The following ZDHHC23 variants were observed in gnomAD, a reference collection of about 807,000 sequenced individuals.
ZDHHC23 encodes the protein zDHHC palmitoyltransferase 23, also known as palmitoyltransferase ZDHHC23.
In ZDHHC23, 41 loss-of-function variants were observed where a neutral mutation model predicts 40.2. The observed-to-expected ratio is 1.02, with a 90% CI of 0.79 to 1.32. The LOEUF is 1.32. Among genes scored for constraint, ZDHHC23 ranks in the 40% most tolerant of loss-of-function variants. The pLI is 0.00. For missense variants in ZDHHC23, 471 were observed against 541.5 expected (o/e 0.87, Z 1.29); for synonymous variants, 204 against 210.2 (o/e 0.97, Z 0.26).
At chr3:113,964,397 A>G (rs1452354110), downstream of ZDHHC23, 1 of 152,224 alleles carries the variant, frequency 6.6e-6, no homozygotes, top group East Asian at 1.9e-4. Flanking sequence ...CTTTGAATTC[A>G]AGATAGGTAT....
chr3:113,972,828 TTA>T, the ZDHHC23 span, among the ~76,000 whole-genome samples: 1 of 152,182 alleles, frequency 6.6e-6, no homozygotes, highest in African/African-American at 2.4e-5. Context: ...TTATTTCTCT[TTA>T]TAGTCTTTGA....
rs1939520248 is a variant in ZDHHC23 at position 113,959,335 on chromosome 3, A to C, written c.*705A>C. ...GAAGATGACCAGATGGATTGATGCT[A>C]AGTTGTCTCATCTTGAAAAGACAGT... On this transcript the variant is annotated 3_prime_UTR_variant, in exon 5 of 5. Transcript: ENST00000638807. 1 of 1,109,956 alleles carries C rather than the reference A, an allele frequency of 9.0e-7. No individual in the cohort carries two copies. The highest frequency in any genetic ancestry group is 6.0e-5 in the East Asian group (1 of 16,708). The allele number at this position is 1,109,956 out of a possible 1,614,324, so 68.8% of individuals were successfully genotyped here.
intron 4 of ZDHHC23, among the ~76,000 whole-genome samples, chr3:113,957,154 C>G (rs867257492): frequency 5.9e-5 from 9 of 152,360 alleles, no homozygotes; most frequent in African/African-American, 2.2e-4. Context: ...TCAGCGCCCC[C>G]TCCCTGAATG....
At position 113,960,446 on chromosome 3, in the gene ZDHHC23, A is replaced by G; in HGVS notation, c.*1816A>G. ...AAATTTCTTTCTATACAGGTTTTAC[A>G]TAAGAGAGACAGTAATAATGTCAAG... is the stretch of plus-strand genomic sequence containing the variant. On this transcript the variant is annotated 3_prime_UTR_variant, in exon 5 of 5. Transcript: ENST00000638807. 3 of 1,354,500 alleles carry G rather than the reference A, an allele frequency of 2.2e-6. No individual in the cohort carries two copies. Among genetic ancestry groups the G allele is most frequent in the Non-Finnish European group, 1.9e-6 (2 of 1,059,522 alleles). The allele number at this position is 1,354,500 out of a possible 1,614,324, so 83.9% of individuals were successfully genotyped here.
In ZDHHC23 at chr3:113,958,828, G is replaced by A. The variant is rs1577272425; in HGVS notation, c.*198G>A. The A allele has an allele frequency of 7.1e-7, 1 of 1,416,688 alleles. No homozygotes were observed. Among genetic ancestry groups the A allele is most frequent in the East Asian group, 3.3e-5 (1 of 30,070 alleles). The allele number at this position is 1,416,688 out of a possible 1,614,324, so 87.8% of individuals were successfully genotyped here. A position where few individuals can be genotyped will look rare whatever the true frequency, so the allele number is the denominator to read the frequency against. The stretch of plus-strand genomic sequence containing the variant: ...AGACTTTTATACTGAGGCAGTAAAA[G>A]TAGAGCCATTCCTTTCCAGTCACCT... On this transcript the variant is annotated 3_prime_UTR_variant, in exon 5 of 5. Transcript: ENST00000638807.
At chr3:113,976,915 T>TTAAAC in the ZDHHC23 span, among the ~76,000 whole-genome samples, 776 of 152,340 alleles carry the variant, frequency 5.1e-3, 7 homozygotes, top group African/African-American at 0.018. Flanking sequence ...TTGTTTTAAT[T>TTAAAC]TAAACAAAAC....
chr3:113,952,837 G>C (rs532934923), intron 2 of ZDHHC23, among the ~76,000 whole-genome samples: 1 of 152,120 alleles, frequency 6.6e-6, no homozygotes, highest in Non-Finnish European at 1.5e-5. Flanking sequence ...GAGCAAACAG[G>C]CTCCCTTGGA....
rs1209422575 is a variant in ZDHHC23, at chr3:113,962,665, T to G, written c.*4035T>G. On this transcript the variant is annotated 3_prime_UTR_variant, in exon 5 of 5. Coordinates refer to ENST00000638807, the MANE Select transcript of ZDHHC23 (RefSeq NM_001320466.2). ...GGATGGTTTGAGTTGTTAGGGATTT[T>G]GAGTTTTTCATTTTATTGCATATCT... 1 of 152,198 alleles carries G rather than the reference T, an allele frequency of 6.6e-6. No individual in the cohort carries two copies. Among genetic ancestry groups the G allele is most frequent in the Non-Finnish European group, 1.5e-5 (1 of 68,024 alleles). 9.4% of individuals were successfully genotyped at this position (152,198 alleles called of 1,614,324 possible).
chr3:113,953,782 C>G lies in ZDHHC23; in HGVS notation c.244C>G (p.Leu82Val), dbSNP rs1938909178. The G allele has an allele frequency of 6.2e-7, 1 of 1,614,208 alleles. No homozygotes were observed. The highest frequency in any genetic ancestry group is 2.2e-5 in the East Asian group (1 of 44,886). The change falls in exon 3 of 5, where the codon CTT becomes GTT. Residue 82 changes from leucine to valine, a missense_variant. Leu to Val is a conservative substitution (Grantham distance 32). This residue lies in a region of ZDHHC23 where 42 missense variants were observed against 73.9 expected (regional missense o/e 0.57). Coordinates refer to ENST00000638807, the MANE Select transcript of ZDHHC23 (RefSeq NM_001320466.2). The stretch of plus-strand genomic sequence containing the variant: ...TTCTGATCGCCTCCGAATTCCTTGG[C>G]TTAGGGGAGCCAAAAAAGTGAACAT... ...TISDRLRIPW[L>V]RGAKKVNISI...
rs373784741 is a variant in ZDHHC23, at chr3:113,954,295, C to G, written c.757C>G (p.Pro253Ala). The G allele has an allele frequency of 6.2e-6, 10 of 1,613,936 alleles. No individual in the cohort carries two copies. The African/African-American group carries it at 1.2e-4, about 19-fold the overall frequency. ...KGSSKMPAGS[P>A]TKAKEDWCAK... The stretch of plus-strand genomic sequence containing the variant: ...CTCTTCCAAGATGCCAGCTGGAAGC[C>G]CCACCAAAGCGAAGGAGGACTGGTG... Residue 253 changes from proline (P) to alanine (A), a missense_variant, in exon 3 of 5, where the codon CCC becomes GCC. By Grantham distance (27) the Pro-to-Ala change is conservative. Around this residue, in one of 3 missense-constraint regions of ZDHHC23, gnomAD observed 346 missense variants for 399.8 expected, o/e 0.87. Transcript: ENST00000638807.
In ZDHHC23 at chr3:113,950,029, G is replaced by A. The variant is rs554785279; in HGVS notation, c.161+1066G>A. On this transcript the variant is annotated intron_variant, in intron 2 of 4. Transcript: ENST00000638807. ...TCCATAACCACCATCACTCAAGACC[G>A]CAGCTCTTCCATTAACCTTGCTAAC... Among the ~76,000 whole-genome samples, 9 of 152,192 alleles carry A rather than the reference G, an allele frequency of 5.9e-5. No individual in the cohort carries two copies. The South Asian group carries it at 6.2e-4, about 11-fold the overall frequency.
Position 113,961,568 on chromosome 3 carries a change from T to C in ZDHHC23, c.*2938T>C, listed in dbSNP as rs554802639. 1 of 152,792 alleles carries C rather than the reference T, an allele frequency of 6.5e-6. No homozygotes were observed. The highest frequency in any genetic ancestry group is 2.1e-4 in the South Asian group (1 of 4,822). The allele number at this position is 152,792 out of a possible 1,614,324, so 9.5% of individuals were successfully genotyped here. ...CTAAAGTAAAGCCTTAAGTGTGTTT[T>C]TGGGACAACGTGCTGCTTATTCCAC... is the stretch of plus-strand genomic sequence containing the variant. On this transcript the variant is annotated 3_prime_UTR_variant, in exon 5 of 5. Coordinates refer to ENST00000638807, the MANE Select transcript of ZDHHC23 (RefSeq NM_001320466.2).
rs1291478395 is a variant in ZDHHC23 at position 113,948,162 on chromosome 3, C to T, written c.-146C>T. On this transcript the variant is annotated 5_prime_UTR_variant, in exon 1 of 5. Coordinates refer to ENST00000638807, the MANE Select transcript of ZDHHC23 (RefSeq NM_001320466.2). ...ACCCATCTCCCCTCCGCCTCTTTGG[C>T]TGCAGTTGCACCTCCGGCCAGAGGG... The T allele has an allele frequency of 6.6e-6, 1 of 152,304 alleles. No homozygotes were observed. Among genetic ancestry groups the T allele is most frequent in the Non-Finnish European group, 1.5e-5 (1 of 68,150 alleles). 9.4% of individuals were successfully genotyped at this position (152,304 alleles called of 1,614,324 possible).
chr3:113,952,108 G>C (rs1266207456), intron 2 of ZDHHC23, among the ~76,000 whole-genome samples: 2 of 151,968 alleles, frequency 1.3e-5, no homozygotes, highest in Non-Finnish European at 2.9e-5. Flanking sequence ...TTGCACTCCA[G>C]CCTGGGCAAC....
chr3:113,970,587 C>CT, the ZDHHC23 span, among the ~76,000 whole-genome samples: 1 of 152,196 alleles, frequency 6.6e-6, no homozygotes, highest in South Asian at 2.1e-4. Context: ...TTTTATTATA[C>CT]TTTAAGTTTT....
At chr3:113,955,154 G>T (rs1434206081) in intron 3 of ZDHHC23, among the ~76,000 whole-genome samples, 1 of 152,122 alleles carries the variant, frequency 6.6e-6, no homozygotes, top group Non-Finnish European at 1.5e-5. Flanking sequence ...AATGCTTTTC[G>T]TGTCTAGGAT....
At position 113,962,038 on chromosome 3, in the gene ZDHHC23, C is replaced by T. The variant is rs550542186; in HGVS notation, c.*3408C>T. The T allele has an allele frequency of 1.8e-4, 28 of 152,668 alleles. No individual in the cohort carries two copies. The highest frequency in any genetic ancestry group is 3.4e-3 in the Middle Eastern group (1 of 294). The allele number at this position is 152,668 out of a possible 1,614,324, so 9.5% of individuals were successfully genotyped here. The stretch of plus-strand genomic sequence containing the variant: ...ACTTAATTGTAGCCATATTCTGGTA[C>T]CTTCCATTTTGAAAAGTAGAGGTTG... On this transcript the variant is annotated 3_prime_UTR_variant, in exon 5 of 5. Transcript: ENST00000638807.
intron 4 of ZDHHC23, chr3:113,957,943 A>C: frequency 2.4e-6 from 1 of 413,446 alleles, no homozygotes; most frequent in Non-Finnish European, 4.7e-6. Flanking sequence ...TAACTTTAGC[A>C]CTGTTCCTCG....
Position 113,958,529 on chromosome 3 carries a change from G to C in ZDHHC23, c.1207G>C (p.Val403Leu), listed in dbSNP as rs148490794. The change falls in exon 5 of 5, where the codon GTG becomes CTG. Residue 403 changes from valine (V) to leucine (L), a missense_variant. Around this residue, in one of 3 missense-constraint regions of ZDHHC23, gnomAD observed 346 missense variants for 399.8 expected, o/e 0.87. Transcript: ENST00000638807. ...GCGCCGGCTCCTCTGCGGGCTCATC[G>C]TGGACACAGGCCAGTACAATAGGGG... ...TGRRLLCGLIVDTGQYNRGFL... is the reference protein window; with the variant it reads ...TGRRLLCGLILDTGQYNRGFL... 6.2e-7 allele frequency: 1 copy of C among 1,613,356 alleles called. No individual in the cohort carries two copies. Among genetic ancestry groups the C allele is most frequent in the Non-Finnish European group, 8.5e-7 (1 of 1,180,022 alleles).
Sources: gnomAD v4.1 joint callset for allele counts (sites outside exome capture counted in the v4.1 genomes callset) on GRCh38, gnomAD v4.1.1 for gene constraint, gnomAD v4.1.1 regional missense constraint, MANE v1.5 for transcripts, NCBI Gene and HGNC (gene_info 2026-07-23, HGNC 2026-07-21) for gene names.